SPNS2: variants seen among roughly 807,000 people sequenced by gnomAD.
SPNS2 encodes SPNS lysolipid transporter 2, sphingosine-1-phosphate, also known as sphingosine-1-phosphate transporter SPNS2.
A neutral mutation model predicts 57.6 loss-of-function variants in SPNS2; 37 were observed. The ratio of observed to expected loss-of-function variants is 0.64; its 90% CI spans 0.49 to 0.85. The LOEUF (loss-of-function observed/expected upper bound fraction) is 0.85, where lower values mean the gene tolerates loss of function less well. Ranked by LOEUF, SPNS2 falls within the 40% of genes least tolerant of loss-of-function variation. The pLI, the probability that SPNS2 is intolerant of heterozygous loss-of-function variation, is 0.00. For synonymous variants in SPNS2, 440 were observed against 346.9 expected, an observed-to-expected ratio of 1.27 and a Z score of -2.98; for missense variants, 831 against 779.1, an observed-to-expected ratio of 1.07 and a Z score of -0.79.
chr17:4,533,948 G>C, intron 9 of SPNS2, 95 bp downstream of exon 9: 1 of 1,140,792 alleles, frequency 8.8e-7, no homozygotes, highest in Non-Finnish European at 1.3e-6. Flanking sequence ...GGGCGGGAGA[G>C]CTGGTAGGAA....
chr17:4,527,699 A>G (rs1173038944), intron 3 of SPNS2, among the ~76,000 whole-genome samples: 1 of 152,154 alleles, frequency 6.6e-6, no homozygotes, highest in Non-Finnish European at 1.5e-5. Context: ...ATGAGATCCC[A>G]TTTCACACCC....
chr17:4,530,983 C>T, intron 4 of SPNS2, 70 bp from the exon 5 acceptor site: 1 of 1,574,634 alleles, frequency 6.4e-7, no homozygotes, highest in Non-Finnish European at 8.7e-7. Flanking sequence ...GCCTGCCTTG[C>T]AGACCAGCGG....
intron 1 of SPNS2, among the ~76,000 whole-genome samples, chr17:4,500,099 G>A (rs1904432997): frequency 6.6e-6 from 1 of 152,216 alleles, no homozygotes; most frequent in Non-Finnish European, 1.5e-5. Flanking sequence ...CCTGCTCTAT[G>A]GTGCTTGGGG....
chr17:4,518,634 G>A (rs2144333886), intron 2 of SPNS2, among the ~76,000 whole-genome samples: 1 of 152,370 alleles, frequency 6.6e-6, no homozygotes, highest in Middle Eastern at 3.4e-3. Flanking sequence ...TCAGGGCCGG[G>A]GTTTGTAGGC....
rs573476901 is a variant in SPNS2, at chr17:4,538,554, C to T, written c.*1106C>T. On this transcript the variant is annotated 3_prime_UTR_variant, in exon 13 of 13. Coordinates refer to ENST00000329078, the MANE Select transcript of SPNS2 (RefSeq NM_001124758.3). Reference sequence around the variant, plus strand: ...TGCCAACTTCACACCAGCCCCAACCCGCTTTGGGGGAGCTTAGCCCCCTGC... The same window carrying T: ...TGCCAACTTCACACCAGCCCCAACCTGCTTTGGGGGAGCTTAGCCCCCTGC... 215 of 344,272 alleles carry T rather than the reference C, an allele frequency of 6.2e-4. 1 individual carries two copies. The highest frequency in any genetic ancestry group is 2.4e-3 in the Admixed American group (51 of 21,574). The allele number at this position is 344,272 out of a possible 1,614,324, so 21.3% of individuals were successfully genotyped here.
intron 2 of SPNS2, among the ~76,000 whole-genome samples, chr17:4,521,695 A>T (rs1905141789): frequency 6.6e-6 from 1 of 152,260 alleles, no homozygotes; most frequent in African/African-American, 2.4e-5. Context: ...AATTAGAAAC[A>T]AGGTAATAAC....
At chr17:4,531,441 G>A (rs1442706278) in intron 5 of SPNS2, among the ~76,000 whole-genome samples, 2 of 152,138 alleles carry the variant, frequency 1.3e-5, no homozygotes, top group African/African-American at 2.4e-5. Context: ...GGTCCATGGC[G>A]GTGCTTCCTG....
At chr17:4,513,172 G>A (rs1597361124) in intron 1 of SPNS2, 75 bp from the exon 2 acceptor site, 2 of 1,534,680 alleles carry the variant, frequency 1.3e-6, no homozygotes, top group Non-Finnish European at 1.8e-6. Flanking sequence ...TGCAAGGCGG[G>A]AAAGAGGCTG....
intron 2 of SPNS2, among the ~76,000 whole-genome samples, chr17:4,514,268 C>A (rs1904928332): frequency 1.3e-5 from 2 of 152,244 alleles, no homozygotes; most frequent in South Asian, 4.1e-4. Flanking sequence ...GCCCTGGAGT[C>A]CATCTGGCTG....
In SPNS2 at chr17:4,525,177, C is replaced by T; in HGVS notation, c.557C>T (p.Ser186Phe). 6.2e-7 allele frequency: 1 copy of T among 1,614,136 alleles called. No homozygotes were observed. The highest frequency in any genetic ancestry group is 8.5e-7 in the Non-Finnish European group (1 of 1,180,024). The change falls in exon 3 of 13, where the codon TCC (serine) becomes TTC (phenylalanine). Residue 186 changes from serine (S) to phenylalanine (F), a missense_variant. Ser to Phe is a radical substitution (Grantham distance 155, BLOSUM62 -2). Coordinates refer to ENST00000329078, the MANE Select transcript of SPNS2 (RefSeq NM_001124758.3). Reference sequence around the variant, plus strand: ...TGGTCGGCCGTCACCTTCTCCAGCTCCTTCATTCCCCAGCAGGTGAGGCCC... The same window carrying T: ...TGGTCGGCCGTCACCTTCTCCAGCTTCTTCATTCCCCAGCAGGTGAGGCCC... Reference protein sequence around the residue: ...FFWSAVTFSSSFIPQQYFWLL... With the variant: ...FFWSAVTFSSFFIPQQYFWLL...
chr17:4,504,742 C>T (rs1157995453), intron 1 of SPNS2, among the ~76,000 whole-genome samples: 3 of 152,152 alleles, frequency 2.0e-5, no homozygotes, highest in African/African-American at 4.8e-5. Context: ...TGGGCTCCCT[C>T]TTAAGCTCCA....
chr17:4,532,046 C>T (rs933878863), intron 5 of SPNS2, among the ~76,000 whole-genome samples: 1 of 152,138 alleles, frequency 6.6e-6, no homozygotes, highest in South Asian at 2.1e-4. Flanking sequence ...CAGGAATTTT[C>T]TCCTCCCTCA....
In SPNS2 at chr17:4,528,001, G is replaced by A. The variant is rs1905306243; in HGVS notation, c.574-2631G>A. Among the ~76,000 whole-genome samples the A allele has an allele frequency of 2.0e-5, 3 of 150,820 alleles. No individual in the cohort carries two copies. The South Asian group carries it at 6.3e-4, about 32-fold the overall frequency. On this transcript the variant is annotated intron_variant, in intron 3 of 12. Transcript: ENST00000329078. ...AAATGACCATCACTGGGTGTGCACAGATTAATGGTGTGTATGTATGACTCT... is the reference window on the plus strand; with the variant it reads ...AAATGACCATCACTGGGTGTGCACAAATTAATGGTGTGTATGTATGACTCT...
In SPNS2 at chr17:4,513,332, T is replaced by A. The variant is rs1008176827; in HGVS notation, c.436+20T>A. 7 of 1,612,728 alleles carry A rather than the reference T, an allele frequency of 4.3e-6. No homozygotes were observed. The highest frequency in any genetic ancestry group is 1.1e-5 in the South Asian group (1 of 91,076). Reference sequence around the variant, plus strand: ...AGTCAGGTGAGGCCCACCTCCCACCTTCCCCCCCACGCCCAGGCGTTGGCG... The same window carrying A: ...AGTCAGGTGAGGCCCACCTCCCACCATCCCCCCCACGCCCAGGCGTTGGCG... On this transcript the variant is annotated intron_variant, in intron 2 of 12. Coordinates refer to ENST00000329078, the MANE Select transcript of SPNS2 (RefSeq NM_001124758.3).
intron 5 of SPNS2, among the ~76,000 whole-genome samples, chr17:4,532,171 CATCTATCCGTCCATCCCTCCATCTATCT>C (rs936463537): frequency 6.6e-5 from 10 of 151,928 alleles, no homozygotes; most frequent in African/African-American, 2.4e-4. Context: ...TCCATCTGTC[CATCTATCCGTCCATCCCTCCATCTATCT>C]CTGTCCATCT....
At chr17:4,520,269 A>T (rs113757819) in intron 2 of SPNS2, among the ~76,000 whole-genome samples, 8,290 of 152,228 alleles carry the variant, frequency 0.054, 277 homozygotes, top group African/African-American at 0.093. Flanking sequence ...CCAGGAGTCC[A>T]CCTGCAGTCC....
intron 12 of SPNS2, among the ~76,000 whole-genome samples, 169 bp downstream of exon 12, chr17:4,537,115 G>C (rs1176434578): frequency 2.0e-5 from 3 of 152,252 alleles, no homozygotes; most frequent in East Asian, 1.9e-4. Flanking sequence ...GGAGCCATGG[G>C]TGGGACAGCA....
In SPNS2 at chr17:4,499,025, C is replaced by A; in HGVS notation, c.-23C>A. The A allele has an allele frequency of 1.0e-6, 1 of 999,620 alleles. No homozygotes were observed. Among genetic ancestry groups the A allele is most frequent in the Non-Finnish European group, 1.2e-6 (1 of 840,788 alleles). 61.9% of individuals were successfully genotyped at this position (999,620 alleles called of 1,614,324 possible). A position where few individuals can be genotyped will look rare whatever the true frequency, so the allele number is the denominator to read the frequency against. The stretch of plus-strand genomic sequence containing the variant: ...CTGGGCCCCGCGCCCCCCGCGCCCC[C>A]CGCCGCCCCGATCCGGGCCGGCATG... On this transcript the variant is annotated 5_prime_UTR_variant, in exon 1 of 13. Transcript: ENST00000329078. The surrounding 1 kb of genome is among the most constrained non-coding windows in gnomAD (Gnocchi z 5.2).
intron 5 of SPNS2, among the ~76,000 whole-genome samples, chr17:4,532,203 T>TC (rs1478991381): frequency 1.3e-5 from 2 of 152,138 alleles, no homozygotes; most frequent in Non-Finnish European, 2.9e-5. Context: ...TCTATCTCTG[T>TC]CCATCTCTCC....
Sources: gnomAD v4.1 joint callset for allele counts (sites outside exome capture counted in the v4.1 genomes callset) on GRCh38, gnomAD v4.1.1 for gene constraint, Gnocchi (gnomAD v3.1) non-coding constraint, MANE v1.5 for transcripts, NCBI Gene and HGNC (gene_info 2026-07-23, HGNC 2026-07-21) for gene names.